Variants in TAF4 observed in about 807,000 individuals in gnomAD.
TAF4 encodes transcription initiation factor TFIID subunit 4.
In TAF4, 9 loss-of-function variants were observed where a neutral mutation model predicts 90.3. The ratio of observed to expected loss-of-function variants is 0.10; its 90% CI spans 0.06 to 0.17. TAF4 has a LOEUF of 0.17. Ranked by LOEUF, TAF4 falls within the 10% of genes least tolerant of loss-of-function variation. The pLI is 1.00. For missense variants in TAF4, 1,351 were observed against 1,370.7 expected (o/e 0.99, Z 0.23); for synonymous variants, 818 against 638.9 (o/e 1.28, Z -4.23).
chr20:62,041,367 C>T (rs778686069), intron 1 of TAF4, among the ~76,000 whole-genome samples: 17 of 152,220 alleles, frequency 1.1e-4, no homozygotes, highest in Non-Finnish European at 2.4e-4. Context: ...CGTACAGCCA[C>T]GCCTCACATC....
chr20:62,042,415 C>T (rs1382585744), intron 1 of TAF4, among the ~76,000 whole-genome samples: 2 of 152,222 alleles, frequency 1.3e-5, no homozygotes, highest in African/African-American at 2.4e-5. Context: ...TCCTGGACAC[C>T]GCACAAGGAC....
chr20:62,019,771 C>T (rs988945031), intron 1 of TAF4, among the ~76,000 whole-genome samples: 2 of 152,218 alleles, frequency 1.3e-5, no homozygotes, highest in African/African-American at 4.8e-5. Context: ...GGTTCTTACC[C>T]CACACAACAG....
intron 9 of TAF4, among the ~76,000 whole-genome samples, chr20:62,001,837 C>T (rs1037746982): frequency 2.8e-4 from 25 of 89,502 alleles, no homozygotes; most frequent in African/African-American, 8.6e-4. Context: ...ATCCCAGTCC[C>T]GCAATCAGCC....
intron 1 of TAF4, among the ~76,000 whole-genome samples, chr20:62,026,113 C>T (rs554283293): frequency 2.0e-5 from 3 of 152,314 alleles, no homozygotes; most frequent in African/African-American, 4.8e-5. Context: ...TTCCTCCCAA[C>T]GTCCTTCCCG....
chr20:62,047,758 G>C (rs959631300), intron 1 of TAF4, among the ~76,000 whole-genome samples: 1 of 152,202 alleles, frequency 6.6e-6, no homozygotes, highest in African/African-American at 2.4e-5. Flanking sequence ...ACCAGACTTC[G>C]CCATGAGAAG....
At chr20:62,000,074 A>G (rs988571010) in intron 11 of TAF4, 50 bp downstream of exon 11, 2 of 1,613,894 alleles carry the variant, frequency 1.2e-6, no homozygotes, top group Middle Eastern at 3.3e-4. Flanking sequence ...GCCAGCAGAG[A>G]GTGGGGGCCA....
intron 10 of TAF4, 66 bp from the exon 11 acceptor site, chr20:62,000,320 T>C (rs2055691239): frequency 6.4e-7 from 1 of 1,574,224 alleles, no homozygotes; most frequent in Admixed American, 1.8e-5. Flanking sequence ...TTACGGCTAA[T>C]CTCTGATCCA....
At chr20:62,047,182 ACT>A (rs1000521301) in intron 1 of TAF4, among the ~76,000 whole-genome samples, 1 of 151,960 alleles carries the variant, frequency 6.6e-6, no homozygotes, top group African/African-American at 2.4e-5. Flanking sequence ...TTCGACAATT[ACT>A]CTCTTTTCAG....
chr20:62,006,717 C>G lies in TAF4; in HGVS notation c.2016G>C (p.Ala672=). Residue 672 remains alanine (A), a synonymous_variant, in exon 7 of 15, where the codon GCG becomes GCC. Coordinates refer to ENST00000252996, the MANE Select transcript of TAF4 (RefSeq NM_003185.4). This position sits in a 1 kb window ranked among gnomAD's most constrained non-coding sequence, Gnocchi z 7.0. The part of the protein sequence containing the change: ...PALRQLTPDS[A]AFIQQSQQQP... ...GCTGCTGGCTCTGCTGGATGAAGGC[C>G]GCGGAGTCGGGGGTCAGCTGTCTCA... 1 of 1,567,070 alleles carries G rather than the reference C, an allele frequency of 6.4e-7. No individual in the cohort carries two copies. Among genetic ancestry groups the G allele is most frequent in the Non-Finnish European group, 8.7e-7 (1 of 1,150,974 alleles).
intron 11 of TAF4, 36 bp downstream of exon 11, chr20:62,000,088 A>G (rs2055689589): frequency 6.2e-7 from 1 of 1,614,148 alleles, no homozygotes. Flanking sequence ...GGGGCCAACA[A>G]CATAAAGACG....
chr20:62,022,760 A>G (rs1218708409), intron 1 of TAF4, among the ~76,000 whole-genome samples: 4 of 152,228 alleles, frequency 2.6e-5, no homozygotes, highest in Non-Finnish European at 5.9e-5. Flanking sequence ...AAAGCAGCAC[A>G]GGGGAACATG....
intron 12 of TAF4, among the ~76,000 whole-genome samples, chr20:61,998,589 C>T (rs2055678190): frequency 6.6e-6 from 1 of 152,188 alleles, no homozygotes; most frequent in Non-Finnish European, 1.5e-5. Flanking sequence ...GTACCCACCC[C>T]CGTCCCTGGG....
At chr20:61,997,277 T>C (rs2055669081) in intron 14 of TAF4, among the ~76,000 whole-genome samples, 1 of 152,240 alleles carries the variant, frequency 6.6e-6, no homozygotes, top group African/African-American at 2.4e-5. Flanking sequence ...CTGACAGTTA[T>C]AACTTCCCCA....
intron 1 of TAF4, among the ~76,000 whole-genome samples, chr20:62,021,995 C>T (rs1168446179): frequency 2.0e-5 from 3 of 152,110 alleles, no homozygotes; most frequent in Admixed American, 6.5e-5. Context: ...CGGCCAGCGG[C>T]GGACAGCATC....
chr20:62,022,091 G>C (rs551256889), intron 1 of TAF4, among the ~76,000 whole-genome samples: 18 of 152,148 alleles, frequency 1.2e-4, no homozygotes, highest in African/African-American at 4.3e-4. Flanking sequence ...ACAAATCTAA[G>C]AAAATCCCTC....
rs549317676 is a variant in TAF4, at chr20:62,061,448, G to A, written c.1360+3003C>T. On this transcript the variant is annotated intron_variant, in intron 1 of 14. Transcript: ENST00000252996. The stretch of plus-strand genomic sequence containing the variant: ...GTCCTGGAATGGGAATCTACACTTG[G>A]GCCAAATCTTAGAGCAAAAGGAGAG... Among the ~76,000 whole-genome samples, 4 of 152,288 alleles carry A rather than the reference G, an allele frequency of 2.6e-5. No individual in the cohort carries two copies. In the East Asian group the frequency reaches 5.8e-4, roughly 22 times the overall value.
chr20:62,016,032 G>C (rs945096671), intron 1 of TAF4, among the ~76,000 whole-genome samples: 38 of 152,190 alleles, frequency 2.5e-4, no homozygotes, highest in Non-Finnish European at 1.8e-4. Flanking sequence ...CAAGCCTGGA[G>C]CTCGGGAACG....
Position 62,065,629 on chromosome 20 carries a change from T to G in TAF4, c.182A>C (p.His61Pro). Residue 61 changes from histidine to proline, a missense_variant, in exon 1 of 15, where the codon CAT becomes CCT. By Grantham distance (77) the His-to-Pro change is moderately conservative (BLOSUM62 -2). This residue lies in a region of TAF4 where 782 missense variants were observed against 536.6 expected (regional missense o/e 1.46). Transcript: ENST00000252996. ...RAAAAGALGN[H>P]VVSGSPAGAA... Reference sequence around the variant, plus strand: ...TCCGGCCGGGCTGCCGCTCACAACATGGTTCCCGAGCGCGCCGGCGGCCGC... The same window carrying G: ...TCCGGCCGGGCTGCCGCTCACAACAGGGTTCCCGAGCGCGCCGGCGGCCGC... 9.7e-7 allele frequency: 1 copy of G among 1,031,648 alleles called. No individual in the cohort carries two copies. The highest frequency in any genetic ancestry group is 1.2e-6 in the Non-Finnish European group (1 of 864,298). 63.9% of individuals were successfully genotyped at this position (1,031,648 alleles called of 1,614,324 possible).
intron 1 of TAF4, among the ~76,000 whole-genome samples, chr20:62,061,152 G>A (rs1157256197): frequency 1.3e-5 from 2 of 152,160 alleles, no homozygotes; most frequent in African/African-American, 2.4e-5. Flanking sequence ...TGCCACCACT[G>A]GCCACCAGAA....
Sources: gnomAD v4.1 joint callset for allele counts (sites outside exome capture counted in the v4.1 genomes callset) on GRCh38, gnomAD v4.1.1 for gene constraint, gnomAD v4.1.1 regional missense constraint, Gnocchi (gnomAD v3.1) non-coding constraint, MANE v1.5 for transcripts, NCBI Gene and HGNC (gene_info 2026-07-23, HGNC 2026-07-21) for gene names.